The following COL15A1 variants were observed in gnomAD, a reference collection of about 807,000 sequenced individuals.
COL15A1 encodes collagen alpha-1(XV) chain.
A neutral mutation model predicts 165.9 loss-of-function variants in COL15A1; 111 were observed. That is an observed-to-expected ratio of 0.67 (90% CI 0.57 to 0.78). The LOEUF (loss-of-function observed/expected upper bound fraction) is 0.78, where lower values mean the gene tolerates loss of function less well. Ranked by LOEUF, COL15A1 falls within the 30% of genes least tolerant of loss-of-function variation. The pLI, the probability that COL15A1 is intolerant of heterozygous loss-of-function variation, is 0.00. For synonymous variants in COL15A1, 659 were observed against 674.8 expected, an observed-to-expected ratio of 0.98 and a Z score of 0.36; for missense variants, 1,745 against 1,789.7, an observed-to-expected ratio of 0.98 and a Z score of 0.45.
intron 2 of COL15A1, among the ~76,000 whole-genome samples, chr9:98,951,322 A>C (rs984824009): frequency 6.6e-6 from 1 of 152,212 alleles, no homozygotes; most frequent in Admixed American, 6.5e-5. Flanking sequence ...CTGGTTGGAC[A>C]GTTCTTACTA....
At chr9:99,067,452 G>A (rs1385504743) in intron 40 of COL15A1, among the ~76,000 whole-genome samples, 9 of 152,166 alleles carry the variant, frequency 5.9e-5, no homozygotes, top group Non-Finnish European at 1.3e-4. Flanking sequence ...GCAAACTAGG[G>A]CACTTTGTCC....
At chr9:99,062,423 A>G (rs1825832376) in intron 38 of COL15A1, 119 bp downstream of exon 38, 2 of 755,422 alleles carry the variant, frequency 2.6e-6, no homozygotes, top group Non-Finnish European at 4.7e-6. Flanking sequence ...ACGGTTTAGT[A>G]TCTGGTGAAA....
rs150363278 is a variant in COL15A1, at chr9:99,062,037, A to G, written c.3469A>G (p.Ile1157Val). Residue 1157 changes from isoleucine to valine, a missense_variant, in exon 37 of 42, where the codon ATC becomes GTC. Transcript: ENST00000375001. Reference protein sequence around the residue: ...KAHLVIEGTFIYLRDSTEFFI... With the variant: ...KAHLVIEGTFVYLRDSTEFFI... ...GCATTTGGTTATAGAAGGAACATTC[A>G]TCTACCTGAGGGACAGCACTGAGTT... is the stretch of plus-strand genomic sequence containing the variant. 2.0e-5 allele frequency: 33 copies of G among 1,614,026 alleles called. No homozygotes were observed. The African/African-American group carries it at 2.7e-4, about 13-fold the overall frequency.
chr9:98,996,848 A>G (rs1489919317), intron 5 of COL15A1, 86 bp from the exon 6 acceptor site: 1 of 1,558,164 alleles, frequency 6.4e-7, no homozygotes, highest in East Asian at 2.3e-5. Flanking sequence ...TTGTGGATAT[A>G]TTATTTTCTT....
At chr9:99,005,078 G>A (rs1838734710) in intron 9 of COL15A1, 28 bp downstream of exon 9, 2 of 1,558,176 alleles carry the variant, frequency 1.3e-6, no homozygotes, top group South Asian at 1.2e-5. Flanking sequence ...CCCAAAGGTT[G>A]AGGTCATGGT....
chr9:99,035,539 C>A (rs1338406084), intron 19 of COL15A1, 121 bp downstream of exon 19: 6 of 1,207,514 alleles, frequency 5.0e-6, no homozygotes, highest in Middle Eastern at 1.9e-4. Context: ...GTGCCTCCAG[C>A]CCCCAACTGT....
intron 9 of COL15A1, among the ~76,000 whole-genome samples, chr9:99,013,798 C>T (rs893231289): frequency 3.9e-5 from 6 of 152,116 alleles, no homozygotes; most frequent in African/African-American, 4.8e-5. Context: ...CAAAAAGGGG[C>T]GGGTGGTGCC....
At chr9:99,004,834 T>C in intron 8 of COL15A1, 64 bp from the exon 9 acceptor site, 3 of 1,599,132 alleles carry the variant, frequency 1.9e-6, no homozygotes, top group Non-Finnish European at 2.6e-6. Flanking sequence ...TTCTGTTCCT[T>C]ACCACAGTGT....
chr9:99,041,942 G>A (rs1476212963), intron 23 of COL15A1, 103 bp from the exon 24 acceptor site: 3 of 699,730 alleles, frequency 4.3e-6, no homozygotes, highest in Non-Finnish European at 7.3e-6. Context: ...CTACCTGGGG[G>A]ATGGCAGTGT....
intron 9 of COL15A1, among the ~76,000 whole-genome samples, chr9:99,007,489 C>T (rs1385247316): frequency 6.6e-6 from 1 of 152,134 alleles, no homozygotes; most frequent in African/African-American, 2.4e-5. Flanking sequence ...GTTGATTTCT[C>T]ATGGCTAGGA....
At chr9:98,970,838 G>C (rs1018232940) in intron 2 of COL15A1, among the ~76,000 whole-genome samples, 7 of 152,118 alleles carry the variant, frequency 4.6e-5, no homozygotes, top group Non-Finnish European at 7.4e-5. Context: ...GGAGGTGCAT[G>C]AGTCGGTGTA....
At chr9:99,055,433 CA>C in intron 34 of COL15A1, 61 bp downstream of exon 34, 2 of 1,018,060 alleles carry the variant, frequency 2.0e-6, no homozygotes, top group Non-Finnish European at 3.1e-6. Context: ...CGGAAGCCCC[CA>C]ATGGGACTAG....
intron 14 of COL15A1, among the ~76,000 whole-genome samples, chr9:99,024,259 C>T (rs1202753410): frequency 6.9e-6 from 1 of 145,808 alleles, no homozygotes; most frequent in Non-Finnish European, 1.5e-5. Flanking sequence ...CAAGGCTACA[C>T]CACAAGCAGT....
chr9:98,978,058 G>A (rs1009194706), intron 2 of COL15A1, among the ~76,000 whole-genome samples: 1 of 152,226 alleles, frequency 6.6e-6, no homozygotes, highest in Non-Finnish European at 1.5e-5. Context: ...CCAAGACTCT[G>A]TCCACCCTTG....
chr9:98,987,843 G>C (rs1838342628), intron 4 of COL15A1, among the ~76,000 whole-genome samples: 1 of 152,196 alleles, frequency 6.6e-6, no homozygotes, highest in Non-Finnish European at 1.5e-5. Context: ...TGCCAGCCCT[G>C]GGTAGGTGCT....
chr9:98,966,837 T>C (rs1837966146), intron 2 of COL15A1, among the ~76,000 whole-genome samples: 1 of 152,230 alleles, frequency 6.6e-6, no homozygotes, highest in Non-Finnish European at 1.5e-5. Flanking sequence ...GCTAAGCTAT[T>C]AAGTGCATAT....
chr9:99,050,894 T>C (rs1008707560), intron 30 of COL15A1, among the ~76,000 whole-genome samples: 1 of 152,240 alleles, frequency 6.6e-6, no homozygotes, highest in Non-Finnish European at 1.5e-5. Flanking sequence ...GTCTAAACGT[T>C]GAGGCATCCA....
chr9:98,998,248 C>T (rs554068477), intron 6 of COL15A1, among the ~76,000 whole-genome samples: 18 of 152,202 alleles, frequency 1.2e-4, no homozygotes, highest in African/African-American at 3.9e-4. Flanking sequence ...ATTGTACTTC[C>T]GTATTTTATT....
intron 36 of COL15A1, among the ~76,000 whole-genome samples, chr9:99,061,090 C>T (rs913441023): frequency 4.6e-5 from 7 of 152,154 alleles, no homozygotes; most frequent in Admixed American, 6.5e-5. Context: ...ACAAATACTT[C>T]ACAAGGATGT....
Sources: gnomAD v4.1 joint callset for allele counts (sites outside exome capture counted in the v4.1 genomes callset) on GRCh38, gnomAD v4.1.1 for gene constraint, MANE v1.5 for transcripts, NCBI Gene and HGNC (gene_info 2026-07-23, HGNC 2026-07-21) for gene names.